The following NIBAN3 variants were observed in gnomAD, a reference collection of about 807,000 sequenced individuals.
NIBAN3 encodes the protein niban apoptosis regulator 3.
NIBAN3 carries 66 observed loss-of-function variants against 76.4 expected under a neutral mutation model. The observed-to-expected ratio is 0.86, with a 90% CI of 0.71 to 1.06. The LOEUF is 1.06. Ranked by LOEUF, NIBAN3 falls within the 50% of genes least tolerant of loss-of-function variation. NIBAN3 has a pLI of 0.00. For synonymous variants in NIBAN3, 360 were observed against 355.2 expected (o/e 1.01, Z -0.15); for missense variants, 808 against 810.7 (o/e 1.00, Z 0.04).
At chr19:17,523,392 A>G, upstream of NIBAN3, 1 of 1,531,732 alleles carries the variant, frequency 6.5e-7, no homozygotes, top group Non-Finnish European at 8.8e-7. Flanking sequence ...GTTTGCTTCA[A>G]CGTCTTGTCC....
rs748379821 is a variant in NIBAN3, at chr19:17,551,783, C to G, written c.1751-3C>G. On this transcript the variant is annotated splice_region_variant and splice_polypyrimidine_tract_variant and intron_variant, in intron 14 of 14. Transcript: ENST00000599164. Reference sequence around the variant, plus strand: ...TGACGTCCGTATATTTTCCATTATACAGATGAGGAAACTGAGGCTGAGCGG... The same window carrying G: ...TGACGTCCGTATATTTTCCATTATAGAGATGAGGAAACTGAGGCTGAGCGG... 2 of 777,416 alleles carry G rather than the reference C, an allele frequency of 2.6e-6. No homozygotes were observed. The highest frequency in any genetic ancestry group is 4.8e-6 in the Non-Finnish European group (2 of 415,804). The allele number at this position is 777,416 out of a possible 1,614,324, so 48.2% of individuals were successfully genotyped here.
intron 9 of NIBAN3, among the ~76,000 whole-genome samples, chr19:17,541,232 TAC>T (rs1408400759): frequency 2.2e-4 from 1 of 4,574 alleles, no homozygotes; most frequent in Non-Finnish European, 7.8e-4. Context: ...CATACATATA[TAC>T]ATACATACAT....
At chr19:17,543,986 A>C (rs7246728) in intron 12 of NIBAN3, 125,969 of 143,160 alleles carry the variant, frequency 0.88, 55,789 homozygotes, top group Middle Eastern at 0.98. Context: ...AGTGAAACTC[A>C]GTCTCAAAAA....
intron 1 of NIBAN3, among the ~76,000 whole-genome samples, chr19:17,529,773 G>A (rs2075678844): frequency 6.6e-6 from 1 of 152,192 alleles, no homozygotes; most frequent in Non-Finnish European, 1.5e-5. Context: ...CATGATACGT[G>A]AGCTATAAGT....
intron 14 of NIBAN3, 91 bp downstream of exon 14, chr19:17,549,618 G>A (rs768653469): frequency 2.8e-5 from 29 of 1,037,804 alleles, no homozygotes; most frequent in South Asian, 2.5e-4. Context: ...ATTGTCATGA[G>A]TGTGGGTTCA....
chr19:17,524,475 G>A (rs2144653554), upstream of NIBAN3, among the ~76,000 whole-genome samples: 1 of 148,810 alleles, frequency 6.7e-6, no homozygotes, highest in East Asian at 2.1e-4. Context: ...AGTAGAGACA[G>A]GGTTTCACCA....
In NIBAN3 at chr19:17,539,506, C is replaced by T. The variant is rs1210108034; in HGVS notation, c.816+55C>T. ...GGGCGGGATGCGGGCGTTCGGGTTC[C>T]CCTCCCACGACTGTCGCCTAAACCC... On this transcript the variant is annotated intron_variant, in intron 7 of 14. Coordinates refer to ENST00000599164, the MANE Select transcript of NIBAN3 (RefSeq NM_001321827.2). 4.8e-6 allele frequency: 7 copies of T among 1,458,168 alleles called. No individual in the cohort carries two copies. In the East Asian group the frequency reaches 1.8e-4, roughly 37 times the overall value. The allele number at this position is 1,458,168 out of a possible 1,614,324, so 90.3% of individuals were successfully genotyped here. A position where few individuals can be genotyped will look rare whatever the true frequency, so the allele number is the denominator to read the frequency against.
intron 12 of NIBAN3, chr19:17,546,234 A>G (rs2076052406): frequency 6.3e-6 from 1 of 159,738 alleles, no homozygotes; most frequent in African/African-American, 2.4e-5. Context: ...ATCATTAATG[A>G]TATTCATATA....
At chr19:17,541,691 T>TTG (rs2075955791) in intron 9 of NIBAN3, among the ~76,000 whole-genome samples, 1 of 146,166 alleles carries the variant, frequency 6.8e-6, no homozygotes. Flanking sequence ...TATTTTATTT[T>TTG]ATTTTATTTT....
chr19:17,536,296 T>G (rs984917446), intron 4 of NIBAN3, among the ~76,000 whole-genome samples: 1 of 152,166 alleles, frequency 6.6e-6, no homozygotes, highest in Non-Finnish European at 1.5e-5. Context: ...GCTCAAGTGA[T>G]CCTCCTGCCT....
chr19:17,537,528 C>G lies in NIBAN3; in HGVS notation c.580C>G (p.Arg194Gly), dbSNP rs114859428. The change falls in exon 5 of 15, where the codon CGG becomes GGG. Residue 194 changes from arginine (R) to glycine (G), a missense_variant. Arg to Gly is a moderately radical substitution (Grantham distance 125). Transcript: ENST00000599164. ...AWRLALQGGI[R>G]LQGIVLQRSQ... is the part of the protein sequence containing the mutation. ...GAGGCTGGCCCTGCAGGGTGGCATC[C>G]GGCTTCAGGGCATAGGTGGGTCTCA... is the stretch of plus-strand genomic sequence containing the variant. The G allele has an allele frequency of 4.4e-6, 7 of 1,599,808 alleles. No individual in the cohort carries two copies. In the South Asian group the frequency reaches 6.6e-5, roughly 15 times the overall value.
intron 14 of NIBAN3, 104 bp from the exon 15 acceptor site, chr19:17,551,682 C>A (rs946542402): frequency 3.4e-6 from 2 of 582,356 alleles, no homozygotes. Context: ...TGAGCCATTG[C>A]GCCCAGCCAA....
chr19:17,539,109 A>AG, intron 5 of NIBAN3, 41 bp from the exon 6 acceptor site: 1 of 1,511,924 alleles, frequency 6.6e-7, no homozygotes, highest in Non-Finnish European at 8.9e-7. Flanking sequence ...GGAGCCAGGC[A>AG]GGGGAGCTAC....
At chr19:17,527,734 T>C (rs879275692) in intron 1 of NIBAN3, among the ~76,000 whole-genome samples, 2 of 151,880 alleles carry the variant, frequency 1.3e-5, no homozygotes, top group Admixed American at 1.3e-4. Flanking sequence ...GGTTGTTTTT[T>C]TTTTTAATAG....
Position 17,543,644 on chromosome 19 carries a change from G to C in NIBAN3, c.1554+13G>C, listed in dbSNP as rs2075997408. 6.2e-7 allele frequency: 1 copy of C among 1,605,686 alleles called. No homozygotes were observed. The highest frequency in any genetic ancestry group is 1.3e-5 in the African/African-American group (1 of 74,840). ...AGGCTGCAAAAAGGTGAGTTAATGG[G>C]AAGTGTGCAAGAGGGTCTGACAGCA... On this transcript the variant is annotated intron_variant, in intron 12 of 14. Transcript: ENST00000599164.
At chr19:17,550,738 G>A (rs1312178055) in intron 14 of NIBAN3, among the ~76,000 whole-genome samples, 3 of 151,724 alleles carry the variant, frequency 2.0e-5, no homozygotes, top group African/African-American at 7.3e-5. Context: ...GTGAGGGATT[G>A]TAGATGGGCC....
In NIBAN3 at chr19:17,543,537, A is replaced by G; in HGVS notation, c.1460A>G (p.Asp487Gly). ...RGRVLKKFKSDSGLAQRRFIR... is the reference protein window; with the variant it reads ...RGRVLKKFKSGSGLAQRRFIR... ...TGTGTTGTGCAGAAATTCAAATCGG[A>G]CAGCGGGTTGGCGCAGAGGAGGTTC... is the stretch of plus-strand genomic sequence containing the variant. Residue 487 changes from aspartate (D) to glycine (G), a missense_variant, in exon 12 of 15, where the codon GAC (aspartate) becomes GGC (glycine). Coordinates refer to ENST00000599164, the MANE Select transcript of NIBAN3 (RefSeq NM_001321827.2). 3.7e-6 allele frequency: 6 copies of G among 1,614,144 alleles called. No homozygotes were observed. Among genetic ancestry groups the G allele is most frequent in the Non-Finnish European group, 5.1e-6 (6 of 1,180,030 alleles).
chr19:17,542,297 G>A lies in NIBAN3; in HGVS notation c.1329+3G>A, dbSNP rs1259199713. On this transcript the variant is annotated splice_donor_region_variant and intron_variant, in intron 10 of 14. Coordinates refer to ENST00000599164, the MANE Select transcript of NIBAN3 (RefSeq NM_001321827.2). The surrounding 1 kb of genome is among the most constrained non-coding windows in gnomAD (Gnocchi z 4.8). Reference sequence around the variant, plus strand: ...GGGCCCAAGATCTTGCACAGCAGGTGAGGGTGAGAGGAGGCTGGGATGAGG... The same window carrying A: ...GGGCCCAAGATCTTGCACAGCAGGTAAGGGTGAGAGGAGGCTGGGATGAGG... 3 of 1,598,790 alleles carry A rather than the reference G, an allele frequency of 1.9e-6. No individual in the cohort carries two copies. Among genetic ancestry groups the A allele is most frequent in the Non-Finnish European group, 8.5e-7 (1 of 1,172,740 alleles).
In NIBAN3 at chr19:17,543,296, T is replaced by C. The variant is rs767040743; in HGVS notation, c.1330-21T>C. 1.4e-5 allele frequency: 21 copies of C among 1,493,726 alleles called. No individual in the cohort carries two copies. The South Asian group carries it at 2.3e-4, about 17-fold the overall frequency. The allele number at this position is 1,493,726 out of a possible 1,614,324, so 92.5% of individuals were successfully genotyped here. The stretch of plus-strand genomic sequence containing the variant: ...GGCTGGAGCACAGATTCTGGGGTCA[T>C]CATAGCATCTCCTCCCACAGCTCAT... On this transcript the variant is annotated intron_variant, in intron 10 of 14. Coordinates refer to ENST00000599164, the MANE Select transcript of NIBAN3 (RefSeq NM_001321827.2).
Sources: allele counts gnomAD v4.1 joint callset (sites outside exome capture counted in the v4.1 genomes callset), GRCh38; gene constraint gnomAD v4.1.1; non-coding constraint Gnocchi (gnomAD v3.1); transcripts MANE v1.5; gene names NCBI Gene and HGNC (gene_info 2026-07-23, HGNC 2026-07-21).